The following GALNT17 variants were observed in gnomAD, a reference collection of about 807,000 sequenced individuals.
GALNT17 encodes the protein UDP-GalNAc:polypeptide N-acetylgalactosaminyltransferase-like 3.
In GALNT17, 29 loss-of-function variants were observed where a neutral mutation model predicts 63.7. The ratio of observed to expected loss-of-function variants is 0.46; its 90% CI spans 0.34 to 0.62. The LOEUF (loss-of-function observed/expected upper bound fraction) is 0.62, where lower values mean the gene tolerates loss of function less well. Ranked by LOEUF, GALNT17 falls within the 20% of genes least tolerant of loss-of-function variation. The probability of loss-of-function intolerance (pLI) is 0.01; values close to 1 mark genes in which losing one functional copy is unlikely to be tolerated. For missense variants in GALNT17, 603 were observed against 799.6 expected (o/e 0.75, Z 2.97); for synonymous variants, 305 against 318.3 (o/e 0.96, Z 0.45).
intron 5 of GALNT17, among the ~76,000 whole-genome samples, chr7:71,471,311 CAG>C (rs1402240924): frequency 2.0e-5 from 3 of 149,286 alleles, no homozygotes; most frequent in Non-Finnish European, 3.0e-5. Context: ...CTGCTGGACT[CAG>C]GGGATCCGCC....
In GALNT17 at chr7:71,148,858, TTTTATATA is replaced by T. The variant is rs1193102667; in HGVS notation, c.238+15820_238+15827del. Among the ~76,000 whole-genome samples the T allele has an allele frequency of 7.2e-4, 66 of 91,910 alleles. 2 individuals are homozygous for T. Among genetic ancestry groups the T allele is most frequent in the East Asian group, 3.3e-3 (10 of 3,044 alleles). The allele number at this position is 91,910 out of a possible 152,430, so 60.3% of individuals were successfully genotyped here. ...ATGAAATACAGTAGTATTATGGTAT[TTTTATATA>T]TATATATATATATATATATATATAT... is the stretch of plus-strand genomic sequence containing the variant. On this transcript the variant is annotated intron_variant, in intron 1 of 10. Coordinates refer to ENST00000333538, the MANE Select transcript of GALNT17 (RefSeq NM_022479.3).
chr7:71,591,398 AG>A lies in GALNT17; in HGVS notation c.1080+19999del, dbSNP rs372460206. 5.5e-4 allele frequency among the ~76,000 whole-genome samples: 83 copies of A among 152,156 alleles called. 1 individual carries two copies. The highest frequency in any genetic ancestry group is 1.9e-3 in the African/African-American group (79 of 41,520). On this transcript the variant is annotated intron_variant, in intron 6 of 10. Coordinates refer to ENST00000333538, the MANE Select transcript of GALNT17 (RefSeq NM_022479.3). ...TATCAAATCACAAGGAACAGCTGTA[AG>A]GGTCCCGAATTGCTCCCTGCAGCCC...
intron 6 of GALNT17, among the ~76,000 whole-genome samples, chr7:71,574,873 CT>C (rs1789510136): frequency 1.3e-5 from 2 of 152,250 alleles, no homozygotes; most frequent in Admixed American, 1.3e-4. Context: ...AATGCATGTC[CT>C]TTAGCAGAAA....
At chr7:71,393,348 G>T (rs1221781448) in intron 3 of GALNT17, among the ~76,000 whole-genome samples, 1 of 151,900 alleles carries the variant, frequency 6.6e-6, no homozygotes, top group East Asian at 1.9e-4. Flanking sequence ...AAAGTAATGC[G>T]TGCTCTTTGT....
At chr7:71,632,400 A>G (rs1452783540) in intron 6 of GALNT17, among the ~76,000 whole-genome samples, 1 of 152,176 alleles carries the variant, frequency 6.6e-6, no homozygotes, top group Non-Finnish European at 1.5e-5. Context: ...TTCGAATATT[A>G]CACAAGATCC....
chr7:71,428,437 A>G (rs1383812538), intron 5 of GALNT17, among the ~76,000 whole-genome samples: 1 of 151,912 alleles, frequency 6.6e-6, no homozygotes, highest in Non-Finnish European at 1.5e-5. Flanking sequence ...CTTGGTGGAC[A>G]TCCCTTTTAT....
chr7:71,711,079 A>T, intron 10 of GALNT17, 151 bp downstream of exon 10: 1 of 1,004,960 alleles, frequency 1.0e-6, no homozygotes, highest in South Asian at 1.7e-5. Flanking sequence ...GACCCAAAGC[A>T]CTTCCTGGGG....
chr7:71,208,934 AT>A (rs1193042228), intron 1 of GALNT17, among the ~76,000 whole-genome samples: 2 of 152,138 alleles, frequency 1.3e-5, no homozygotes, highest in African/African-American at 4.8e-5. Flanking sequence ...CCAGTAATTG[AT>A]TAGGTTAGGG....
At chr7:71,177,771 AT>A (rs1788665622) in intron 1 of GALNT17, among the ~76,000 whole-genome samples, 1 of 152,088 alleles carries the variant, frequency 6.6e-6, no homozygotes. Context: ...ATTTACTTTT[AT>A]GTCTTAAAAT....
intron 2 of GALNT17, among the ~76,000 whole-genome samples, chr7:71,349,567 G>A (rs1792154932): frequency 1.3e-5 from 2 of 152,282 alleles, no homozygotes; most frequent in South Asian, 2.1e-4. Context: ...CCAGATAAAA[G>A]CAAAGGAAGA....
intron 5 of GALNT17, among the ~76,000 whole-genome samples, chr7:71,539,736 G>A (rs11763708): frequency 0.44 from 43,742 of 98,916 alleles, 8,685 homozygotes; most frequent in African/African-American, 0.54. Context: ...TTTTTTTGAG[G>A]CACGGTCTGG....
At chr7:71,578,566 T>C (rs1198625223) in intron 6 of GALNT17, among the ~76,000 whole-genome samples, 2 of 152,052 alleles carry the variant, frequency 1.3e-5, no homozygotes, top group East Asian at 1.9e-4. Context: ...GATGTCAAAC[T>C]CCTGACCTCA....
At chr7:71,409,114 A>G (rs1351090919) in intron 3 of GALNT17, among the ~76,000 whole-genome samples, 2 of 151,542 alleles carry the variant, frequency 1.3e-5, no homozygotes, top group African/African-American at 2.4e-5. Context: ...AACCCTCACC[A>G]TGTAGGCCAA....
intron 6 of GALNT17, among the ~76,000 whole-genome samples, chr7:71,616,736 T>C (rs1790210180): frequency 1.7e-5 from 2 of 117,314 alleles, no homozygotes; most frequent in Admixed American, 2.2e-4. Flanking sequence ...TTACAATTTG[T>C]TTACATTATA....
chr7:71,662,133 G>C (rs1475832353), intron 6 of GALNT17, among the ~76,000 whole-genome samples: 5 of 152,116 alleles, frequency 3.3e-5, no homozygotes, highest in Non-Finnish European at 1.5e-5. Flanking sequence ...TGGCTTGTGG[G>C]TTCTGTTCCC....
At chr7:71,287,966 C>A (rs1216281515) in intron 1 of GALNT17, among the ~76,000 whole-genome samples, 1 of 150,714 alleles carries the variant, frequency 6.6e-6, no homozygotes, top group Non-Finnish European at 1.5e-5. Flanking sequence ...GCAGGAGAAT[C>A]GCTTGAACCA....
chr7:71,313,167 C>A (rs1449359313), intron 1 of GALNT17, among the ~76,000 whole-genome samples: 1 of 152,108 alleles, frequency 6.6e-6, no homozygotes, highest in Non-Finnish European at 1.5e-5. Flanking sequence ...AAGTATTTTT[C>A]CACTTGTTGA....
Position 71,377,098 on chromosome 7 carries a change from A to AT in GALNT17, c.423-11137_423-11136insT, listed in dbSNP as rs1465082684. Reference sequence around the variant, plus strand: ...GATATTCCATCTCAAAAAAAAAAAAAAATAAAAATAAAAAAAATATATATA... The same window carrying AT: ...GATATTCCATCTCAAAAAAAAAAAAATAATAAAAATAAAAAAAATATATATA... On this transcript the variant is annotated intron_variant, in intron 2 of 10. Coordinates refer to ENST00000333538, the MANE Select transcript of GALNT17 (RefSeq NM_022479.3). Among the ~76,000 whole-genome samples, 27 of 60,632 alleles carry AT rather than the reference A, an allele frequency of 4.5e-4. 5 individuals are homozygous for AT. Among genetic ancestry groups the AT allele is most frequent in the African/African-American group, 2.8e-3 (25 of 9,080 alleles). 39.8% of individuals were successfully genotyped at this position (60,632 alleles called of 152,430 possible).
chr7:71,201,244 T>TATATATATATAC lies in GALNT17; in HGVS notation c.238+68215_238+68216insCATATATATATA, dbSNP rs1554338089. Among the ~76,000 whole-genome samples, 3 of 146,762 alleles carry TATATATATATAC rather than the reference T, an allele frequency of 2.0e-5. No homozygotes were observed. The East Asian group carries it at 6.2e-4, about 30-fold the overall frequency. ...ATGGGGGTGTGTGTGTTTATTTTTATATATATATATATAATTTGTGTGTGC... is the reference window on the plus strand; with the variant it reads ...ATGGGGGTGTGTGTGTTTATTTTTATATATATATATACATATATATATATAATTTGTGTGTGC... On this transcript the variant is annotated intron_variant, in intron 1 of 10. Coordinates refer to ENST00000333538, the MANE Select transcript of GALNT17 (RefSeq NM_022479.3).
Sources: gnomAD v4.1 joint callset for allele counts (sites outside exome capture counted in the v4.1 genomes callset) on GRCh38, gnomAD v4.1.1 for gene constraint, MANE v1.5 for transcripts, NCBI Gene and HGNC (gene_info 2026-07-23, HGNC 2026-07-21) for gene names.